The following KISS1 variants were observed in gnomAD, a reference collection of about 807,000 sequenced individuals.
The protein encoded by KISS1 is metastasis-suppressor KiSS-1.
For synonymous variants in KISS1, 97 were observed against 88.7 expected (o/e 1.09, Z -0.52); for missense variants, 182 against 182.7 (o/e 1.00, Z 0.02).
At chr1:204,195,319 TATGC>T (rs1658831477) in intron 1 of KISS1, among the ~76,000 whole-genome samples, 4 of 3,836 alleles carry the variant, frequency 1.0e-3, no homozygotes, top group East Asian at 7.0e-3. Flanking sequence ...CACATACACA[TATGC>T]CACACACACC....
At chr1:204,190,962 C>T (rs1334204185) in intron 2 of KISS1, among the ~76,000 whole-genome samples, 165 bp from the exon 3 acceptor site, 1 of 152,208 alleles carries the variant, frequency 6.6e-6, no homozygotes, top group Non-Finnish European at 1.5e-5. Context: ...GATGATTAGG[C>T]CCTAGGCGCC....
At chr1:204,194,083 C>T (rs377627167) in intron 1 of KISS1, among the ~76,000 whole-genome samples, 11 of 152,212 alleles carry the variant, frequency 7.2e-5, no homozygotes, top group African/African-American at 2.6e-4. Context: ...TGCACCCACA[C>T]CCCCACCCCC....
At chr1:204,195,004 A>AG (rs1355696995) in intron 1 of KISS1, among the ~76,000 whole-genome samples, 1 of 151,852 alleles carries the variant, frequency 6.6e-6, no homozygotes, top group Admixed American at 6.6e-5. Flanking sequence ...GCCAGGAAGG[A>AG]GGGCAGTGGG....
At position 204,190,409 on chromosome 1, in the gene KISS1, T is replaced by TTTCCC; in HGVS notation, c.*74_*75insGGGAA. ...CAGCGCCCCCTCCCTTAGCCCTACG[T>TTTCCC]CCCCGCCCCCCGCCCCCGCCCCGCA... On this transcript the variant is annotated 3_prime_UTR_variant, in exon 3 of 3. Coordinates refer to ENST00000367194, the MANE Select transcript of KISS1 (RefSeq NM_002256.4). 5.3e-6 allele frequency: 3 copies of TTTCCC among 570,142 alleles called. No homozygotes were observed. Among genetic ancestry groups the TTTCCC allele is most frequent in the South Asian group, 1.6e-5 (1 of 62,526 alleles). 35.3% of individuals were successfully genotyped at this position (570,142 alleles called of 1,614,324 possible).
In KISS1 at chr1:204,190,666, C is replaced by T. The variant is rs746488000; in HGVS notation, c.235G>A (p.Gly79Arg). ...TSLSPPPESS[G>R]SPQQPGLSAP... ...GACAGGCCCGGCTGCTGGGGGCTCC[C>T]GGAGCTCTCGGGGGGCGGGGACAGC... Residue 79 changes from glycine to arginine, a missense_variant, in exon 3 of 3, where the codon GGG becomes AGG. Gly to Arg is a moderately radical substitution (Grantham distance 125). Coordinates refer to ENST00000367194, the MANE Select transcript of KISS1 (RefSeq NM_002256.4). 6.3e-7 allele frequency: 1 copy of T among 1,587,082 alleles called. No individual in the cohort carries two copies. Among genetic ancestry groups the T allele is most frequent in the African/African-American group, 1.3e-5 (1 of 74,430 alleles).
Position 204,190,572 on chromosome 1 carries a change from G to T in KISS1, c.329C>A (p.Pro110Gln). The T allele has an allele frequency of 6.2e-7, 1 of 1,605,490 alleles. No homozygotes were observed. The highest frequency in any genetic ancestry group is 8.5e-7 in the Non-Finnish European group (1 of 1,176,630). The change falls in exon 3 of 3, where the codon CCG becomes CAG. Residue 110 changes from proline (P) to glutamine (Q), a missense_variant. Coordinates refer to ENST00000367194, the MANE Select transcript of KISS1 (RefSeq NM_002256.4). ...GCCGAAGGAGTTCCAGTTGTAGTTC[G>T]GCAGGTCCTTCTCCCGCTGCACCAG... The part of the protein sequence containing the change: ...AVLVQREKDL[P>Q]NYNWNSFGLR...
At chr1:204,194,495 G>A (rs1658800497) in intron 1 of KISS1, among the ~76,000 whole-genome samples, 3 of 152,202 alleles carry the variant, frequency 2.0e-5, no homozygotes, top group Non-Finnish European at 2.9e-5. Flanking sequence ...CTTGAGCACC[G>A]ACTAGGTGCT....
intron 1 of KISS1, among the ~76,000 whole-genome samples, chr1:204,195,216 CACACCCATACACATATACACGCAT>C (rs201263914): frequency 0.13 from 1,100 of 8,260 alleles, 18 homozygotes; most frequent in Middle Eastern, 0.31. Flanking sequence ...TATATACGCA[CACACCCATACACATATACACGCAT>C]ACACCCATAC....
intron 1 of KISS1, among the ~76,000 whole-genome samples, chr1:204,194,002 A>C (rs1044987230): frequency 6.6e-6 from 1 of 152,040 alleles, no homozygotes; most frequent in African/African-American, 2.4e-5. Flanking sequence ...GGGAAGGGGG[A>C]CTGGGGGATG....
intron 1 of KISS1, among the ~76,000 whole-genome samples, chr1:204,194,240 T>C (rs1200634887): frequency 2.6e-5 from 4 of 152,206 alleles, no homozygotes; most frequent in South Asian, 2.1e-4. Flanking sequence ...CCAGACCTCA[T>C]TGGTCCATCT....
chr1:204,191,357 C>T (rs1658740830), intron 2 of KISS1, among the ~76,000 whole-genome samples: 2 of 151,382 alleles, frequency 1.3e-5, no homozygotes, highest in Admixed American at 6.6e-5. Flanking sequence ...CACCCACCCC[C>T]CCAACCCCGC....
At chr1:204,195,285 AC>A (rs1658828452) in intron 1 of KISS1, among the ~76,000 whole-genome samples, 73 of 106,934 alleles carry the variant, frequency 6.8e-4, no homozygotes, top group Admixed American at 8.0e-4. Flanking sequence ...CACCACACAC[AC>A]CACACACATA....
chr1:204,195,149 C>CACACACA (rs1658813503), intron 1 of KISS1, among the ~76,000 whole-genome samples: 1 of 5,594 alleles, frequency 1.8e-4, no homozygotes. Context: ...CACACACACC[C>CACACACA]CCCACACCAC....
rs377223671 is a variant in KISS1 at position 204,190,592 on chromosome 1, C to T, written c.309G>A (p.Val103=). 3.4e-5 allele frequency: 55 copies of T among 1,598,648 alleles called. No individual in the cohort carries two copies. Among genetic ancestry groups the T allele is most frequent in the Non-Finnish European group, 4.0e-5 (47 of 1,173,152 alleles). Residue 103 remains valine, a synonymous_variant, in exon 3 of 3, where the codon GTG becomes GTA. Transcript: ENST00000367194. The part of the protein sequence containing the change: ...QIPAPQGAVL[V]QREKDLPNYN... ...AGTTCGGCAGGTCCTTCTCCCGCTGCACCAGCACCGCGCCCTGGGGTGCGG... is the reference window on the plus strand; with the variant it reads ...AGTTCGGCAGGTCCTTCTCCCGCTGTACCAGCACCGCGCCCTGGGGTGCGG...
Position 204,190,407 on chromosome 1 carries a change from C to CCT in KISS1, c.*76_*77insAG. ...TCCAGCGCCCCCTCCCTTAGCCCTACGTCCCCGCCCCCCGCCCCCGCCCCG... is the reference window on the plus strand; with the variant it reads ...TCCAGCGCCCCCTCCCTTAGCCCTACCTGTCCCCGCCCCCCGCCCCCGCCCCG... On this transcript the variant is annotated 3_prime_UTR_variant, in exon 3 of 3. Transcript: ENST00000367194. 1.3e-6 allele frequency: 1 copy of CCT among 779,258 alleles called. No homozygotes were observed. Among genetic ancestry groups the CCT allele is most frequent in the Non-Finnish European group, 2.0e-6 (1 of 493,570 alleles). The allele number at this position is 779,258 out of a possible 1,614,324, so 48.3% of individuals were successfully genotyped here.
rs998730842 is a variant in KISS1, at chr1:204,190,661, G to C, written c.240C>G (p.Ser80Arg). Residue 80 changes from serine (S) to arginine (R), a missense_variant, in exon 3 of 3, where the codon AGC becomes AGG. Physicochemically the swap from Ser to Arg is moderately radical, Grantham distance 110. Transcript: ENST00000367194. ...GGGCGGACAGGCCCGGCTGCTGGGG[G>C]CTCCCGGAGCTCTCGGGGGGCGGGG... is the stretch of plus-strand genomic sequence containing the variant. ...SLSPPPESSG[S>R]PQQPGLSAPH... is the part of the protein sequence containing the mutation. The C allele has an allele frequency of 1.9e-6, 3 of 1,585,358 alleles. No individual in the cohort carries two copies. The highest frequency in any genetic ancestry group is 1.1e-5 in the South Asian group (1 of 87,678).
At position 204,190,409 on chromosome 1, in the gene KISS1, T is replaced by TACCCCCCCC; in HGVS notation, c.*74_*75insGGGGGGGGT. On this transcript the variant is annotated 3_prime_UTR_variant, in exon 3 of 3. Coordinates refer to ENST00000367194, the MANE Select transcript of KISS1 (RefSeq NM_002256.4). Reference sequence around the variant, plus strand: ...CAGCGCCCCCTCCCTTAGCCCTACGTCCCCGCCCCCCGCCCCCGCCCCGCA... The same window carrying TACCCCCCCC: ...CAGCGCCCCCTCCCTTAGCCCTACGTACCCCCCCCCCCCGCCCCCCGCCCCCGCCCCGCA... The TACCCCCCCC allele has an allele frequency of 1.2e-5, 7 of 570,130 alleles. No homozygotes were observed. The highest frequency in any genetic ancestry group is 3.7e-5 in the East Asian group (1 of 26,790). The allele number at this position is 570,130 out of a possible 1,614,324, so 35.3% of individuals were successfully genotyped here.
In KISS1 at chr1:204,195,894, C is replaced by T. The variant is rs192478600; in HGVS notation, c.-39+482G>A. 2.0e-5 allele frequency among the ~76,000 whole-genome samples: 3 copies of T among 152,198 alleles called. No homozygotes were observed. In the East Asian group the frequency reaches 5.8e-4, roughly 29 times the overall value. Reference sequence around the variant, plus strand: ...TGGGGGGTTTGTATCCAGTGAGTGACAGAAATTCCAGGCATGGTTGGAAAG... The same window carrying T: ...TGGGGGGTTTGTATCCAGTGAGTGATAGAAATTCCAGGCATGGTTGGAAAG... On this transcript the variant is annotated intron_variant, in intron 1 of 2. Coordinates refer to ENST00000367194, the MANE Select transcript of KISS1 (RefSeq NM_002256.4).
intron 1 of KISS1, among the ~76,000 whole-genome samples, chr1:204,193,960 G>A (rs941007031): frequency 1.3e-5 from 2 of 152,218 alleles, no homozygotes; most frequent in African/African-American, 4.8e-5. Flanking sequence ...GATTGTCCTG[G>A]CCTGACCCAC....
Sources: gnomAD v4.1 joint callset for allele counts (sites outside exome capture counted in the v4.1 genomes callset) on GRCh38, gnomAD v4.1.1 for gene constraint, MANE v1.5 for transcripts, NCBI Gene and HGNC (gene_info 2026-07-23, HGNC 2026-07-21) for gene names.